ELOVL7: variants seen among roughly 807,000 people sequenced by gnomAD.
ELOVL7 encodes the protein very long chain fatty acid elongase 7.
ELOVL7 carries 27 observed loss-of-function variants against 35.7 expected under a neutral mutation model. That is an observed-to-expected ratio of 0.76 (90% CI 0.56 to 1.04). The LOEUF is 1.04. ELOVL7 is among the 50% of genes least tolerant of loss of function. The pLI is 0.00. For synonymous variants in ELOVL7, 113 were observed against 114.6 expected (o/e 0.99, Z 0.09); for missense variants, 327 against 340.8 (o/e 0.96, Z 0.32).
intron 5 of ELOVL7, among the ~76,000 whole-genome samples, chr5:60,767,069 A>G (rs781445426): frequency 6.6e-6 from 1 of 152,146 alleles, no homozygotes; most frequent in Non-Finnish European, 1.5e-5. Flanking sequence ...TCCATTCTAT[A>G]CATATGCCAC....
rs372964622 is a variant in ELOVL7, at chr5:60,766,567, T to C, written c.393+7A>G. 3.2e-5 allele frequency: 51 copies of C among 1,609,418 alleles called. No individual in the cohort carries two copies. In the African/African-American group the frequency reaches 4.9e-4, roughly 16 times the overall value. On this transcript the variant is annotated splice_region_variant and intron_variant, in intron 6 of 8. Coordinates refer to ENST00000508821, the MANE Select transcript of ELOVL7 (RefSeq NM_024930.3). Reference sequence around the variant, plus strand: ...ACATTTACCAAATGTGGTGGCCATATACTCACCGTATCTAATAGCTCAATA... The same window carrying C: ...ACATTTACCAAATGTGGTGGCCATACACTCACCGTATCTAATAGCTCAATA...
intron 2 of ELOVL7, among the ~76,000 whole-genome samples, chr5:60,793,762 C>T (rs1744081003): frequency 6.6e-6 from 1 of 152,048 alleles, no homozygotes; most frequent in Admixed American, 6.6e-5. Context: ...ATATCCAAGT[C>T]CTGGGGCCCA....
chr5:60,803,063 A>G (rs1175531184), intron 1 of ELOVL7, among the ~76,000 whole-genome samples: 1 of 152,182 alleles, frequency 6.6e-6, no homozygotes, highest in African/African-American at 2.4e-5. Context: ...GGGAGCTTCA[A>G]AATCCTTCTC....
At chr5:60,793,147 A>G (rs1160138227) in intron 2 of ELOVL7, among the ~76,000 whole-genome samples, 1 of 152,200 alleles carries the variant, frequency 6.6e-6, no homozygotes, top group Non-Finnish European at 1.5e-5. Context: ...TTTGGTGTTC[A>G]GATTGTTTTT....
intron 1 of ELOVL7, among the ~76,000 whole-genome samples, chr5:60,806,396 A>G (rs1744926891): frequency 6.6e-6 from 1 of 152,196 alleles, no homozygotes; most frequent in African/African-American, 2.4e-5. Flanking sequence ...TTACCTATAA[A>G]AAGAGGCAAT....
Position 60,753,212 on chromosome 5 carries a change from G to C in ELOVL7, c.*1412C>G, listed in dbSNP as rs1422403890. The C allele has an allele frequency of 3.3e-5, 5 of 151,104 alleles. No homozygotes were observed. Among genetic ancestry groups the C allele is most frequent in the African/African-American group, 1.2e-4 (5 of 41,148 alleles). 9.4% of individuals were successfully genotyped at this position (151,104 alleles called of 1,614,324 possible). On this transcript the variant is annotated 3_prime_UTR_variant, in exon 9 of 9. Coordinates refer to ENST00000508821, the MANE Select transcript of ELOVL7 (RefSeq NM_024930.3). ...GCTTCAAAATTGAGTATAAATAAAA[G>C]AAGAAAAAAAATAGGGAAAAATTCA...
At chr5:60,771,029 G>A (rs2112176302) in intron 4 of ELOVL7, among the ~76,000 whole-genome samples, 1 of 152,314 alleles carries the variant, frequency 6.6e-6, no homozygotes, top group African/African-American at 2.4e-5. Flanking sequence ...TGATCGATAT[G>A]ATGGATCTGT....
intron 2 of ELOVL7, among the ~76,000 whole-genome samples, chr5:60,797,997 C>T (rs1744366926): frequency 6.6e-6 from 1 of 152,198 alleles, no homozygotes; most frequent in Non-Finnish European, 1.5e-5. Context: ...GACCTGGAAG[C>T]CCCCTCCCTG....
chr5:60,832,835 C>A (rs529272774), intron 1 of ELOVL7, among the ~76,000 whole-genome samples: 1 of 152,296 alleles, frequency 6.6e-6, no homozygotes, highest in South Asian at 2.1e-4. Context: ...AGGAAGAGGG[C>A]TGTTAGATAA....
intron 1 of ELOVL7, among the ~76,000 whole-genome samples, chr5:60,841,610 A>G (rs1020473969): frequency 6.6e-6 from 1 of 152,124 alleles, no homozygotes; most frequent in African/African-American, 2.4e-5. Flanking sequence ...AAAGATTCCT[A>G]TTTGGCCTGA....
At chr5:60,771,216 G>A (rs1190867544) in intron 4 of ELOVL7, among the ~76,000 whole-genome samples, 1 of 152,158 alleles carries the variant, frequency 6.6e-6, no homozygotes, top group African/African-American at 2.4e-5. Flanking sequence ...AGGAATCTCA[G>A]AAAAGAACAT....
At chr5:60,808,529 A>G (rs1254716962) in intron 1 of ELOVL7, among the ~76,000 whole-genome samples, 1 of 152,228 alleles carries the variant, frequency 6.6e-6, no homozygotes, top group Admixed American at 6.5e-5. Context: ...AAAACTTAAT[A>G]TTGTTAAGAT....
chr5:60,766,439 C>T, intron 6 of ELOVL7, 135 bp downstream of exon 6: 4 of 661,664 alleles, frequency 6.0e-6, no homozygotes, highest in East Asian at 2.7e-5. Flanking sequence ...AGTAGGTCTG[C>T]CTGAATAGGA....
chr5:60,772,970 T>G (rs1196793665), intron 3 of ELOVL7, among the ~76,000 whole-genome samples: 1 of 152,184 alleles, frequency 6.6e-6, no homozygotes, highest in Non-Finnish European at 1.5e-5. Flanking sequence ...ATCCTCTAAG[T>G]AGCTAAAGTA....
chr5:60,838,453 A>G (rs945178358), intron 1 of ELOVL7, among the ~76,000 whole-genome samples: 2 of 152,212 alleles, frequency 1.3e-5, no homozygotes, highest in African/African-American at 4.8e-5. Context: ...TTACTTGTCT[A>G]TAACTCACAT....
chr5:60,757,712 CTGAGA>C (rs1023207696), intron 7 of ELOVL7, 67 bp from the exon 8 acceptor site: 12 of 1,368,980 alleles, frequency 8.8e-6, no homozygotes, highest in African/African-American at 5.8e-5. Context: ...TTCATCTGAA[CTGAGA>C]TTTTTGTATA....
At chr5:60,810,077 C>CT (rs1300091885) in intron 1 of ELOVL7, among the ~76,000 whole-genome samples, 3 of 152,134 alleles carry the variant, frequency 2.0e-5, no homozygotes, top group Non-Finnish European at 4.4e-5. Flanking sequence ...AAAAAACAAA[C>CT]TTTATCTTGC....
At chr5:60,825,714 GA>G in intron 1 of ELOVL7, among the ~76,000 whole-genome samples, 1 of 152,300 alleles carries the variant, frequency 6.6e-6, no homozygotes, top group East Asian at 1.9e-4. Context: ...TGAGACTGGG[GA>G]TACAAGAGAA....
chr5:60,814,140 C>T (rs540435263), intron 1 of ELOVL7, among the ~76,000 whole-genome samples: 1 of 152,272 alleles, frequency 6.6e-6, no homozygotes, highest in African/African-American at 2.4e-5. Flanking sequence ...ACCTGGAATC[C>T]TCATTATTGA....
Sources: allele counts gnomAD v4.1 joint callset (sites outside exome capture counted in the v4.1 genomes callset), GRCh38; gene constraint gnomAD v4.1.1; transcripts MANE v1.5; gene names NCBI Gene and HGNC (gene_info 2026-07-23, HGNC 2026-07-21).